AFF1: variants seen among roughly 807,000 people sequenced by gnomAD.
The protein encoded by AFF1 is ALF transcription elongation factor 1, also known as AF4/FMR2 family member 1.
In AFF1, 48 loss-of-function variants were observed where a neutral mutation model predicts 121.7. That is an observed-to-expected ratio of 0.39 (90% CI 0.31 to 0.50). The LOEUF (loss-of-function observed/expected upper bound fraction) is 0.50, where lower values mean the gene tolerates loss of function less well. Ranked by LOEUF, AFF1 falls within the 20% of genes least tolerant of loss-of-function variation. The pLI is 0.76. For missense variants in AFF1, 1,523 were observed against 1,511.7 expected (o/e 1.01, Z -0.12); for synonymous variants, 613 against 563.0 (o/e 1.09, Z -1.26).
chr4:87,108,542 G>GA (rs1427176634), intron 11 of AFF1, among the ~76,000 whole-genome samples: 1 of 152,126 alleles, frequency 6.6e-6, no homozygotes, highest in African/African-American at 2.4e-5. Flanking sequence ...CTCCCCTGTT[G>GA]AAAATGATAG....
At chr4:86,985,170 A>ACT (rs56321529) in intron 2 of AFF1, among the ~76,000 whole-genome samples, 9 of 96,148 alleles carry the variant, frequency 9.4e-5, no homozygotes, top group African/African-American at 3.7e-4. Context: ...TAATATATAT[A>ACT]ATATGTATTA....
At chr4:87,134,261 G>T (rs886611612) in intron 19 of AFF1, among the ~76,000 whole-genome samples, 1 of 152,196 alleles carries the variant, frequency 6.6e-6, no homozygotes, top group Admixed American at 6.5e-5. Flanking sequence ...TAGACTATGC[G>T]AATGGCATGG....
chr4:86,996,994 C>T (rs1440931382), intron 2 of AFF1, among the ~76,000 whole-genome samples: 4 of 152,224 alleles, frequency 2.6e-5, no homozygotes, highest in Admixed American at 6.5e-5. Context: ...TCACTGCAAC[C>T]TCTGCCTCCC....
At chr4:87,073,028 A>G (rs1435341237) in intron 4 of AFF1, among the ~76,000 whole-genome samples, 3 of 152,164 alleles carry the variant, frequency 2.0e-5, no homozygotes, top group Non-Finnish European at 4.4e-5. Context: ...GGAAAAGATA[A>G]TTAAGTCTAT....
At chr4:86,939,181 A>G (rs969433346) in intron 1 of AFF1, among the ~76,000 whole-genome samples, 3 of 152,222 alleles carry the variant, frequency 2.0e-5, no homozygotes, top group Non-Finnish European at 2.9e-5. Context: ...CTGTTTACCA[A>G]CAGCTTTCAC....
chr4:86,949,796 G>A, intron 2 of AFF1: 1 of 1,613,906 alleles, frequency 6.2e-7, no homozygotes, highest in Non-Finnish European at 8.5e-7. Flanking sequence ...CAGGGCCACT[G>A]GGAGACACTG....
intron 1 of AFF1, among the ~76,000 whole-genome samples, chr4:86,946,746 T>G (rs1157189676): frequency 1.3e-5 from 2 of 152,012 alleles, no homozygotes; most frequent in Non-Finnish European, 2.9e-5. Flanking sequence ...GTTGGTTCTG[T>G]CAGTCAGTCA....
intron 2 of AFF1, among the ~76,000 whole-genome samples, chr4:86,998,728 TG>T (rs1224068822): frequency 6.6e-6 from 1 of 152,224 alleles, no homozygotes; most frequent in Admixed American, 6.5e-5. Context: ...AAGTATTTTT[TG>T]TAAAACAAGA....
In AFF1 at chr4:87,105,676, T is replaced by C. The variant is rs1288616526; in HGVS notation, c.1332T>C (p.Ser444=). The part of the protein sequence containing the change: ...LQLSDSEDSD[S]EQTPEKPPSS... Reference sequence around the variant, plus strand: ...TCAGTGACAGTGAGGACAGTGACAGTGAACAAGTAAGTGTTGCACAGCCTG... The same window carrying C: ...TCAGTGACAGTGAGGACAGTGACAGCGAACAAGTAAGTGTTGCACAGCCTG... The change falls in exon 9 of 21, where the codon AGT becomes AGC. Residue 444 remains serine, a synonymous_variant. Transcript: ENST00000395146. 1 of 1,614,094 alleles carries C rather than the reference T, an allele frequency of 6.2e-7. No homozygotes were observed. The highest frequency in any genetic ancestry group is 8.5e-7 in the Non-Finnish European group (1 of 1,180,044).
chr4:86,975,380 A>G (rs1032581212), intron 2 of AFF1, among the ~76,000 whole-genome samples: 3 of 152,224 alleles, frequency 2.0e-5, no homozygotes, highest in South Asian at 4.1e-4. Flanking sequence ...CCTCCCAAGT[A>G]GCTGGGACTA....
intron 2 of AFF1, among the ~76,000 whole-genome samples, chr4:87,013,248 C>G (rs1211479046): frequency 6.6e-6 from 1 of 151,894 alleles, no homozygotes; most frequent in Non-Finnish European, 1.5e-5. Context: ...CCATGTTGGT[C>G]AGGATGGTCT....
chr4:87,127,300 A>AG (rs1425476679), intron 15 of AFF1, among the ~76,000 whole-genome samples, 183 bp downstream of exon 15: 1 of 151,882 alleles, frequency 6.6e-6, no homozygotes. Context: ...AGTTGGGACT[A>AG]CAGGCATGAG....
chr4:86,937,161 T>G (rs999841570), intron 1 of AFF1, among the ~76,000 whole-genome samples: 2 of 152,254 alleles, frequency 1.3e-5, no homozygotes, highest in Non-Finnish European at 2.9e-5. Context: ...CTGTTAAATA[T>G]TAATCTGCCT....
chr4:86,963,266 A>G lies in AFF1; in HGVS notation c.38+14695A>G, dbSNP rs573208878. Among the ~76,000 whole-genome samples, 217 of 152,236 alleles carry G rather than the reference A, an allele frequency of 1.4e-3. 2 individuals are homozygous for G. The highest frequency in any genetic ancestry group is 5.0e-3 in the African/African-American group (209 of 41,526). On this transcript the variant is annotated intron_variant, in intron 2 of 20. Transcript: ENST00000395146. ...TTATCCTTTTAGGTTAAGTAAATAG[A>G]AATCATATATTTCCTTCAGGTTAGT... is the stretch of plus-strand genomic sequence containing the variant.
chr4:87,112,822 C>T (rs990442519), intron 11 of AFF1, among the ~76,000 whole-genome samples: 8 of 152,150 alleles, frequency 5.3e-5, no homozygotes, highest in Non-Finnish European at 4.4e-5. Flanking sequence ...AACCACCTCC[C>T]CGAGTGGATC....
intron 2 of AFF1, among the ~76,000 whole-genome samples, chr4:87,024,745 C>T (rs112517626): frequency 2.0e-5 from 3 of 152,048 alleles, no homozygotes; most frequent in East Asian, 1.9e-4. Context: ...CCCACCACCA[C>T]GCCTGGCTAA....
At chr4:86,935,922 C>G (rs984682591) in intron 1 of AFF1, 2 of 152,334 alleles carry the variant, frequency 1.3e-5, no homozygotes, top group African/African-American at 4.8e-5. Flanking sequence ...CACCCTCCGA[C>G]GGTGCGAGCG....
chr4:87,090,338 T>C (rs1724173905), intron 6 of AFF1, among the ~76,000 whole-genome samples: 1 of 152,246 alleles, frequency 6.6e-6, no homozygotes, highest in Non-Finnish European at 1.5e-5. Flanking sequence ...ATCCTTACTT[T>C]AGAGATGGGA....
chr4:87,002,303 C>T (rs1725786037), intron 2 of AFF1, among the ~76,000 whole-genome samples: 1 of 151,612 alleles, frequency 6.6e-6, no homozygotes, highest in African/African-American at 2.4e-5. Context: ...CCTATGTTGC[C>T]CAGGTTGGTC....
Sources: gnomAD v4.1 joint callset for allele counts (sites outside exome capture counted in the v4.1 genomes callset) on GRCh38, gnomAD v4.1.1 for gene constraint, MANE v1.5 for transcripts, NCBI Gene and HGNC (gene_info 2026-07-23, HGNC 2026-07-21) for gene names.